Variants in DNAH9 observed in about 807,000 individuals in gnomAD.
DNAH9 encodes dynein axonemal heavy chain 9.
A neutral mutation model predicts 471.6 loss-of-function variants in DNAH9; 345 were observed. That is an observed-to-expected ratio of 0.73 (90% confidence interval 0.67 to 0.80). The LOEUF (loss-of-function observed/expected upper bound fraction) is 0.80, where lower values mean the gene tolerates loss of function less well. DNAH9 is among the 30% of genes least tolerant of loss of function. The pLI, the probability that DNAH9 is intolerant of heterozygous loss-of-function variation, is 0.00. For missense variants in DNAH9, 5,407 were observed against 5,609.2 expected (o/e 0.96, Z 1.15); for synonymous variants, 2,093 against 2,123.6 (o/e 0.99, Z 0.40).
intron 49 of DNAH9, among the ~76,000 whole-genome samples, chr17:11,845,155 C>G (rs527272229): frequency 6.8e-6 from 1 of 146,292 alleles, no homozygotes; most frequent in African/African-American, 2.6e-5. Flanking sequence ...TTCCTCCCCC[C>G]TCCCCCGACC....
chr17:11,947,580 G>C (rs1975174207), intron 67 of DNAH9, among the ~76,000 whole-genome samples: 1 of 151,862 alleles, frequency 6.6e-6, no homozygotes. Flanking sequence ...ATGATGTTTG[G>C]TATTTTAGAT....
intron 3 of DNAH9, among the ~76,000 whole-genome samples, chr17:11,610,824 A>G (rs1309957123): frequency 6.6e-6 from 1 of 152,042 alleles, no homozygotes; most frequent in Middle Eastern, 3.2e-3. Context: ...GGCTCTTTGG[A>G]CTATATGTAA....
chr17:11,727,904 G>T lies in DNAH9; in HGVS notation c.5796G>T (p.Leu1932Phe), dbSNP rs775658714. The T allele has an allele frequency of 6.2e-7, 1 of 1,613,670 alleles. No individual in the cohort carries two copies. The highest frequency in any genetic ancestry group is 8.5e-7 in the Non-Finnish European group (1 of 1,179,682). ...DEFNRISVEVLSVVAVQVKSI... is the reference protein window; with the variant it reads ...DEFNRISVEVFSVVAVQVKSI... ...TTAATCGAATCTCCGTGGAGGTCTT[G>T]TCAGTGGTGGCAGTGCAGGTAAGGG... The change falls in exon 28 of 69, where the codon TTG becomes TTT. Residue 1932 changes from leucine to phenylalanine, a missense_variant. By Grantham distance (22) the Leu-to-Phe change is conservative (BLOSUM62 0). This residue lies in a region of DNAH9 where 4,636 missense variants were observed against 4,900.3 expected (regional missense o/e 0.95). Transcript: ENST00000262442.
intron 32 of DNAH9, among the ~76,000 whole-genome samples, chr17:11,749,740 T>C (rs1450514815): frequency 6.6e-6 from 1 of 152,150 alleles, no homozygotes; most frequent in Non-Finnish European, 1.5e-5. Flanking sequence ...AAACTATCCT[T>C]TCCCTCTGAA....
At position 11,757,558 on chromosome 17, in the gene DNAH9, C is replaced by A. The variant is rs1257901734; in HGVS notation, c.6861C>A (p.Ile2287=). ...ATVSRAGILY[I]NPADLGWNPP... ...CTGTGCTCACAGGGATCTTGTACATCAACCCGGCAGACTTGGGATGGAACC... is the reference window on the plus strand; with the variant it reads ...CTGTGCTCACAGGGATCTTGTACATAAACCCGGCAGACTTGGGATGGAACC... Residue 2287 remains isoleucine (I), a synonymous_variant, in exon 35 of 69, where the codon ATC becomes ATA. Coordinates refer to ENST00000262442, the MANE Select transcript of DNAH9 (RefSeq NM_001372.4). 3.1e-5 allele frequency: 50 copies of A among 1,613,362 alleles called. No individual in the cohort carries two copies. The highest frequency in any genetic ancestry group is 4.0e-5 in the Non-Finnish European group (47 of 1,179,484).
chr17:11,726,639 C>T (rs2075157573), intron 27 of DNAH9, among the ~76,000 whole-genome samples: 1 of 152,184 alleles, frequency 6.6e-6, no homozygotes, highest in Admixed American at 6.5e-5. Context: ...ACTACTGATG[C>T]AGTAATTTTC....
Position 11,763,525 on chromosome 17 carries a change from A to C in DNAH9, c.7081A>C (p.Ile2361Leu), listed in dbSNP as rs766399187. The C allele has an allele frequency of 3.7e-6, 6 of 1,614,136 alleles. No homozygotes were observed. In the East Asian group the frequency reaches 8.9e-5, roughly 24 times the overall value. The change falls in exon 36 of 69, where the codon ATC becomes CTC. Residue 2361 changes from isoleucine to leucine, a missense_variant. Coordinates refer to ENST00000262442, the MANE Select transcript of DNAH9 (RefSeq NM_001372.4). ...GGAATGTCTCCTGACCACGGAGGAC[A>C]TCCCTGCAGACTGCCCTAAGGAAAT... ...LLECLLTTEDIPADCPKEIYE... is the reference protein window; with the variant it reads ...LLECLLTTEDLPADCPKEIYE...
intron 6 of DNAH9, among the ~76,000 whole-genome samples, chr17:11,627,715 T>A (rs1245141828): frequency 6.6e-6 from 1 of 152,188 alleles, no homozygotes; most frequent in Admixed American, 6.5e-5. Context: ...GGCTGGTGTC[T>A]TCCCTCTTCT....
intron 36 of DNAH9, among the ~76,000 whole-genome samples, chr17:11,765,392 A>AC (rs1258207591): frequency 2.6e-5 from 4 of 152,196 alleles, no homozygotes; most frequent in Non-Finnish European, 5.9e-5. Context: ...CCAAGGCAAA[A>AC]CCATGTTCTA....
chr17:11,642,501 G>A (rs530346336), intron 10 of DNAH9, among the ~76,000 whole-genome samples: 3 of 152,202 alleles, frequency 2.0e-5, no homozygotes, highest in African/African-American at 4.8e-5. Flanking sequence ...GCAGTGAGCC[G>A]AGATTGCGCC....
chr17:11,729,591 A>G (rs2075222457), intron 28 of DNAH9, among the ~76,000 whole-genome samples: 1 of 152,246 alleles, frequency 6.6e-6, no homozygotes, highest in Non-Finnish European at 1.5e-5. Flanking sequence ...AGGTCCAGAC[A>G]AAGGAATAAG....
At chr17:11,947,471 T>C (rs1161029310) in intron 67 of DNAH9, among the ~76,000 whole-genome samples, 1 of 152,088 alleles carries the variant, frequency 6.6e-6, no homozygotes, top group East Asian at 1.9e-4. Flanking sequence ...TAGTCCAAAT[T>C]GAGATGTGCT....
chr17:11,918,138 C>T (rs531253037), intron 61 of DNAH9, among the ~76,000 whole-genome samples: 14 of 152,170 alleles, frequency 9.2e-5, no homozygotes, highest in Non-Finnish European at 2.1e-4. Flanking sequence ...ATTCTCGAAA[C>T]TTTGCTTTGG....
chr17:11,891,468 C>T (rs538079518), intron 57 of DNAH9, among the ~76,000 whole-genome samples: 22 of 152,256 alleles, frequency 1.4e-4, no homozygotes, highest in South Asian at 2.1e-4. Context: ...CAGGTTCAAA[C>T]GATTCTCCCA....
At chr17:11,615,776 CAG>C (rs914879849) in intron 4 of DNAH9, among the ~76,000 whole-genome samples, 1 of 152,110 alleles carries the variant, frequency 6.6e-6, no homozygotes, top group African/African-American at 2.4e-5. Context: ...GATTTCAAAA[CAG>C]GGTATCATAA....
intron 29 of DNAH9, among the ~76,000 whole-genome samples, chr17:11,739,250 T>A (rs1346410433): frequency 6.6e-6 from 1 of 152,252 alleles, no homozygotes; most frequent in African/African-American, 2.4e-5. Context: ...AATCCATACG[T>A]TGGTAGCCTG....
chr17:11,914,733 C>T (rs999304403), intron 61 of DNAH9, among the ~76,000 whole-genome samples: 10 of 152,100 alleles, frequency 6.6e-5, no homozygotes, highest in African/African-American at 2.2e-4. Flanking sequence ...GTTTCTTTGT[C>T]GGTGACCTGT....
At chr17:11,931,082 A>G (rs1974495465) in intron 63 of DNAH9, among the ~76,000 whole-genome samples, 2 of 152,164 alleles carry the variant, frequency 1.3e-5, no homozygotes, top group African/African-American at 4.8e-5. Context: ...AGAAGGCACT[A>G]TTTCTTTTTG....
chr17:11,685,241 G>C (rs2074219957), intron 19 of DNAH9, among the ~76,000 whole-genome samples: 1 of 152,114 alleles, frequency 6.6e-6, no homozygotes, highest in Non-Finnish European at 1.5e-5. Context: ...AGTAAGAGCT[G>C]TTTCAGGGGG....
Sources: gnomAD v4.1 joint callset for allele counts (sites outside exome capture counted in the v4.1 genomes callset) on GRCh38, gnomAD v4.1.1 for gene constraint, gnomAD v4.1.1 regional missense constraint, MANE v1.5 for transcripts, NCBI Gene and HGNC (gene_info 2026-07-23, HGNC 2026-07-21) for gene names.